Variants in SLC12A2 observed in about 807,000 individuals in gnomAD.
The protein encoded by SLC12A2 is solute carrier family 12 member 2.
SLC12A2 carries 67 observed loss-of-function variants against 136.3 expected under a neutral mutation model. The ratio of observed to expected loss-of-function variants is 0.49; its 90% CI spans 0.40 to 0.60. The LOEUF is 0.60. Ranked by LOEUF, SLC12A2 falls within the 20% of genes least tolerant of loss-of-function variation. The pLI is 0.00. For synonymous variants in SLC12A2, 619 were observed against 562.9 expected, an observed-to-expected ratio of 1.10 and a Z score of -1.41; for missense variants, 1,322 against 1,534.7, an observed-to-expected ratio of 0.86 and a Z score of 2.32.
chr5:128,125,851 TG>T (rs1761771338), intron 4 of SLC12A2, among the ~76,000 whole-genome samples: 1 of 152,190 alleles, frequency 6.6e-6, no homozygotes, highest in African/African-American at 2.4e-5. Context: ...AGAGTGTAGT[TG>T]TTTTTCTCCC....
At chr5:128,112,991 T>C in intron 2 of SLC12A2, 58 bp downstream of exon 2, 1 of 1,425,166 alleles carries the variant, frequency 7.0e-7, no homozygotes, top group Non-Finnish European at 9.4e-7. Flanking sequence ...TATAAAATCT[T>C]CCTAACGTTC....
At chr5:128,161,345 A>G (rs1172115548) in intron 16 of SLC12A2, among the ~76,000 whole-genome samples, 1 of 152,062 alleles carries the variant, frequency 6.6e-6, no homozygotes, top group Admixed American at 6.6e-5. Context: ...TGGTTATTTT[A>G]CTCTGTATAA....
chr5:128,182,195 C>G (rs1405560653), intron 23 of SLC12A2, among the ~76,000 whole-genome samples: 1 of 152,128 alleles, frequency 6.6e-6, no homozygotes, highest in Non-Finnish European at 1.5e-5. Context: ...TTTCTCATAT[C>G]TCAATTTAAA....
Position 128,187,837 on chromosome 5 carries a change from T to G in SLC12A2, c.*1206T>G, listed in dbSNP as rs543502860. 12 of 152,634 alleles carry G rather than the reference T, an allele frequency of 7.9e-5. No individual in the cohort carries two copies. Among genetic ancestry groups the G allele is most frequent in the Non-Finnish European group, 1.3e-4 (9 of 68,024 alleles). The allele number at this position is 152,634 out of a possible 1,614,324, so 9.5% of individuals were successfully genotyped here. A position where few individuals can be genotyped will look rare whatever the true frequency, so the allele number is the denominator to read the frequency against. Reference sequence around the variant, plus strand: ...AAATGTCTGTTTTGACATCATAGTCTAGTAAAATTTTGACAGTGCATATGT... The same window carrying G: ...AAATGTCTGTTTTGACATCATAGTCGAGTAAAATTTTGACAGTGCATATGT... On this transcript the variant is annotated 3_prime_UTR_variant, in exon 27 of 27. Coordinates refer to ENST00000262461, the MANE Select transcript of SLC12A2 (RefSeq NM_001046.3).
At chr5:128,141,472 C>T (rs1221776584) in intron 9 of SLC12A2, among the ~76,000 whole-genome samples, 3 of 152,060 alleles carry the variant, frequency 2.0e-5, no homozygotes, top group Non-Finnish European at 4.4e-5. Flanking sequence ...AACATCACTG[C>T]CATTTGGAAC....
intron 26 of SLC12A2, among the ~76,000 whole-genome samples, chr5:128,185,516 A>C (rs1763838953): frequency 6.8e-6 from 1 of 147,684 alleles, no homozygotes; most frequent in Admixed American, 6.8e-5. Flanking sequence ...TTAGTTTAAC[A>C]ACATTCAATA....
Position 128,138,731 on chromosome 5 carries a change from A to G in SLC12A2, c.1536+7A>G. On this transcript the variant is annotated splice_region_variant and intron_variant, in intron 8 of 26. Transcript: ENST00000262461. ...TATCTCAGGTGATCTTGCAGTAAGT[A>G]TTATAAAGTGCTATATCAATTATAT... The G allele has an allele frequency of 6.2e-7, 1 of 1,611,228 alleles. No individual in the cohort carries two copies. The highest frequency in any genetic ancestry group is 1.1e-5 in the South Asian group (1 of 90,602).
chr5:128,159,566 C>A (rs970625169), intron 16 of SLC12A2, among the ~76,000 whole-genome samples: 2 of 152,108 alleles, frequency 1.3e-5, no homozygotes, highest in African/African-American at 4.8e-5. Flanking sequence ...AAGAAAAAAA[C>A]CACCCTGTCA....
chr5:128,173,830 C>T (rs1327489788), intron 19 of SLC12A2, among the ~76,000 whole-genome samples: 3 of 152,074 alleles, frequency 2.0e-5, no homozygotes, highest in Non-Finnish European at 4.4e-5. Flanking sequence ...CTTTGTGATA[C>T]ATGTTTGTAT....
At chr5:128,121,895 T>TG (rs2126682576) in intron 4 of SLC12A2, among the ~76,000 whole-genome samples, 1 of 152,288 alleles carries the variant, frequency 6.6e-6, no homozygotes, top group South Asian at 2.1e-4. Flanking sequence ...TTTTGCAACT[T>TG]GGATGGTGCT....
intron 23 of SLC12A2, 44 bp downstream of exon 23, chr5:128,181,038 C>A: frequency 1.9e-6 from 2 of 1,064,042 alleles, no homozygotes; most frequent in South Asian, 2.6e-5. Context: ...ATTAGCACTT[C>A]ATTGCTACAG....
chr5:128,178,527 T>C, intron 21 of SLC12A2, 40 bp from the exon 22 acceptor site: 1 of 1,462,880 alleles, frequency 6.8e-7, no homozygotes, highest in Non-Finnish European at 9.1e-7. Context: ...GACTTTAATA[T>C]TTACTTTGCT....
intron 14 of SLC12A2, 44 bp downstream of exon 14, chr5:128,151,440 A>G (rs1762697705): frequency 6.5e-7 from 1 of 1,535,220 alleles, no homozygotes; most frequent in Non-Finnish European, 8.8e-7. Flanking sequence ...GAAAACATCT[A>G]GAAGCTAGAA....
rs1362956901 is a variant in SLC12A2, at chr5:128,134,245, C to A, written c.1269C>A (p.Ile423=). 6.3e-7 allele frequency: 1 copy of A among 1,599,352 alleles called. No homozygotes were observed. ...TTACAGTCGTGATTCTTTTAGGTAT[C>A]TCAGTAGCTGGAATGGAGTGGGAAG... ...GAITVVILLG[I]SVAGMEWEAK... The change falls in exon 6 of 27, where the codon ATC becomes ATA. Residue 423 remains isoleucine, a synonymous_variant. Transcript: ENST00000262461.
At chr5:128,165,137 C>T (rs1331422436) in intron 17 of SLC12A2, among the ~76,000 whole-genome samples, 1 of 152,102 alleles carries the variant, frequency 6.6e-6, no homozygotes, top group Non-Finnish European at 1.5e-5. Flanking sequence ...CATCCATGCC[C>T]AGCCTAAGAC....
intron 14 of SLC12A2, among the ~76,000 whole-genome samples, chr5:128,152,386 A>G: frequency 6.6e-6 from 1 of 152,214 alleles, no homozygotes; most frequent in Non-Finnish European, 1.5e-5. Context: ...GCTCATTTCC[A>G]TTTAGACCTT....
At chr5:128,155,623 T>C (rs1762849560) in intron 15 of SLC12A2, among the ~76,000 whole-genome samples, 1 of 152,200 alleles carries the variant, frequency 6.6e-6, no homozygotes, top group Admixed American at 6.5e-5. Context: ...ATTTTTGTTG[T>C]CTTCACCTTG....
intron 4 of SLC12A2, among the ~76,000 whole-genome samples, chr5:128,130,097 T>C (rs566583963): frequency 3.9e-5 from 6 of 152,044 alleles, no homozygotes; most frequent in African/African-American, 1.2e-4. Context: ...GTAATTAAAA[T>C]CATACCAACT....
intron 18 of SLC12A2, chr5:128,169,697 AC>A (rs373901835): frequency 1.3e-5 from 2 of 152,214 alleles, no homozygotes; most frequent in East Asian, 3.9e-4. Context: ...GAGCCATGAA[AC>A]CCTATGCTTT....
Sources: allele counts gnomAD v4.1 joint callset (sites outside exome capture counted in the v4.1 genomes callset), GRCh38; gene constraint gnomAD v4.1.1; transcripts MANE v1.5; gene names NCBI Gene and HGNC (gene_info 2026-07-23, HGNC 2026-07-21).